Variants in MORF4L1 observed in about 807,000 individuals in gnomAD.
MORF4L1 encodes mortality factor 4-like protein 1.
In MORF4L1, 4 loss-of-function variants were observed where a neutral mutation model predicts 52.9. The ratio of observed to expected loss-of-function variants is 0.08; its 90% CI spans 0.04 to 0.17. The LOEUF (loss-of-function observed/expected upper bound fraction) is 0.17. Ranked by LOEUF, MORF4L1 falls within the 10% of genes least tolerant of loss-of-function variation. The pLI is 1.00. For synonymous variants in MORF4L1, 123 were observed against 134.8 expected (o/e 0.91, Z 0.61); for missense variants, 214 against 390.4 (o/e 0.55, Z 3.81).
intron 8 of MORF4L1, 99 bp from the exon 9 acceptor site, chr15:78,893,440 A>G: frequency 1.3e-6 from 1 of 771,212 alleles, no homozygotes; most frequent in South Asian, 1.5e-5. Context: ...AATTTGAAAT[A>G]CTGTTACTGT....
At chr15:78,893,913 C>T (rs1425415917) in intron 9 of MORF4L1, 145 bp from the exon 10 acceptor site, 1 of 751,948 alleles carries the variant, frequency 1.3e-6, no homozygotes. Context: ...GTTTGTCAAA[C>T]CCTGCTTTCA....
intron 11 of MORF4L1, among the ~76,000 whole-genome samples, chr15:78,896,231 C>A (rs754246103): frequency 2.0e-5 from 3 of 151,994 alleles, no homozygotes; most frequent in Non-Finnish European, 4.4e-5. Flanking sequence ...GTGCCTCGGC[C>A]CCCCAAAGTG....
chr15:78,873,505 G>C (rs1052915674), intron 1 of MORF4L1, among the ~76,000 whole-genome samples: 1 of 152,114 alleles, frequency 6.6e-6, no homozygotes, highest in Non-Finnish European at 1.5e-5. Context: ...GTGCTTCCTG[G>C]AGCCCCGGGG....
At chr15:78,879,220 TCCCCG>T (rs933691711) in intron 2 of MORF4L1, among the ~76,000 whole-genome samples, 6 of 151,864 alleles carry the variant, frequency 4.0e-5, no homozygotes, top group African/African-American at 7.3e-5. Context: ...ATTTTTATGC[TCCCCG>T]CCCCGCCCCG....
chr15:78,883,370 A>G (rs781701436), intron 3 of MORF4L1, among the ~76,000 whole-genome samples: 1 of 152,262 alleles, frequency 6.6e-6, no homozygotes, highest in Non-Finnish European at 1.5e-5. Flanking sequence ...TTTTTCACAT[A>G]TAATAGATAA....
chr15:78,884,373 G>A (rs552325964), intron 3 of MORF4L1, among the ~76,000 whole-genome samples: 1 of 151,922 alleles, frequency 6.6e-6, no homozygotes, highest in African/African-American at 2.4e-5. Flanking sequence ...GTGTAGTGGC[G>A]CGCACCTGTA....
At chr15:78,887,179 GA>G in intron 4 of MORF4L1, 89 bp from the exon 5 acceptor site, 1 of 1,097,894 alleles carries the variant, frequency 9.1e-7, no homozygotes, top group Non-Finnish European at 1.3e-6. Flanking sequence ...GCCAGAATTT[GA>G]ATGTAAATTC....
chr15:78,894,970 G>A, intron 11 of MORF4L1, 66 bp downstream of exon 11: 1 of 1,262,132 alleles, frequency 7.9e-7, no homozygotes, highest in Non-Finnish European at 1.2e-6. Flanking sequence ...GGGATTGGCA[G>A]TATAGATGCT....
At chr15:78,881,612 G>T (rs1398377052) in intron 3 of MORF4L1, among the ~76,000 whole-genome samples, 1 of 152,152 alleles carries the variant, frequency 6.6e-6, no homozygotes, top group Non-Finnish European at 1.5e-5. Flanking sequence ...CTGTTTTTCA[G>T]TGATGGGACT....
intron 7 of MORF4L1, 78 bp downstream of exon 7, chr15:78,891,650 A>T (rs1298440462): frequency 1.2e-5 from 14 of 1,170,900 alleles, no homozygotes; most frequent in Non-Finnish European, 1.6e-5. Flanking sequence ...GGGAGCTTTG[A>T]TTATCTACAA....
At chr15:78,885,687 CTGT>C (rs1271115074) in intron 3 of MORF4L1, among the ~76,000 whole-genome samples, 2 of 152,138 alleles carry the variant, frequency 1.3e-5, no homozygotes, top group African/African-American at 4.8e-5. Context: ...GAGATAAGTA[CTGT>C]TGTTATCCTC....
At chr15:78,884,227 A>T (rs994826904) in intron 3 of MORF4L1, among the ~76,000 whole-genome samples, 6 of 131,660 alleles carry the variant, frequency 4.6e-5, no homozygotes, top group African/African-American at 1.4e-4. Context: ...AAAAGCTGAA[A>T]TTCTTGCCAG....
At chr15:78,882,692 T>C (rs1325340483) in intron 3 of MORF4L1, among the ~76,000 whole-genome samples, 1 of 152,114 alleles carries the variant, frequency 6.6e-6, no homozygotes, top group Non-Finnish European at 1.5e-5. Flanking sequence ...ATGCATACTA[T>C]GAGTGGGAAA....
intron 5 of MORF4L1, among the ~76,000 whole-genome samples, chr15:78,888,986 G>A (rs1002966300): frequency 6.6e-6 from 1 of 152,084 alleles, no homozygotes; most frequent in Non-Finnish European, 1.5e-5. Flanking sequence ...ATATAGAAAA[G>A]ATTTTTATCA....
chr15:78,873,221 G>A (rs1384893512), intron 1 of MORF4L1, 164 bp downstream of exon 1: 6 of 1,513,230 alleles, frequency 4.0e-6, no homozygotes, highest in East Asian at 2.5e-5. Flanking sequence ...CAATTCCGGT[G>A]CGTCATTGTG....
chr15:78,884,639 CAA>C lies in MORF4L1; in HGVS notation c.156-1483_156-1482del, dbSNP rs71148577. On this transcript the variant is annotated intron_variant, in intron 3 of 11. Transcript: ENST00000426013. Reference sequence around the variant, plus strand: ...GGGCAACGAGAGCGCAACTCTGTCTCAAAAAAAAAAAAAAAAAAAATACACAC... The same window carrying C: ...GGGCAACGAGAGCGCAACTCTGTCTCAAAAAAAAAAAAAAAAAATACACAC... Among the ~76,000 whole-genome samples the C allele has an allele frequency of 3.4e-3, 308 of 89,504 alleles. 1 individual carries two copies. Among genetic ancestry groups the C allele is most frequent in the South Asian group, 0.017 (43 of 2,580 alleles). 58.7% of individuals were successfully genotyped at this position (89,504 alleles called of 152,430 possible). A position where few individuals can be genotyped will look rare whatever the true frequency, so the allele number is the denominator to read the frequency against.
intron 3 of MORF4L1, among the ~76,000 whole-genome samples, chr15:78,884,525 A>G (rs561400147): frequency 2.7e-5 from 4 of 150,280 alleles, no homozygotes; most frequent in East Asian, 2.0e-4. Flanking sequence ...TGTAATCCCA[A>G]TTACTCAGGA....
At chr15:78,884,660 TAC>T (rs67970418) in intron 3 of MORF4L1, among the ~76,000 whole-genome samples, 67 of 130,712 alleles carry the variant, frequency 5.1e-4, no homozygotes, top group African/African-American at 1.8e-3. Flanking sequence ...AAAAAAAAAA[TAC>T]ACACACACAC....
In MORF4L1 at chr15:78,886,165, C is replaced by T; in HGVS notation, c.180C>T (p.Ser60=). The change falls in exon 4 of 12, where the codon AGC becomes AGT. Residue 60 remains serine (S), a synonymous_variant. Coordinates refer to ENST00000426013, the MANE Select transcript of MORF4L1 (RefSeq NM_006791.4). Reference sequence around the variant, plus strand: ...GTTGGGATGAATGGGTTCCGGAGAGCAGAGTACTCAAATACGTGGACACCA... The same window carrying T: ...GTTGGGATGAATGGGTTCCGGAGAGTAGAGTACTCAAATACGTGGACACCA... ...NKNWDEWVPE[S]RVLKYVDTNL... is the part of the protein sequence containing the mutation. The T allele has an allele frequency of 6.2e-7, 1 of 1,613,866 alleles. No homozygotes were observed. The highest frequency in any genetic ancestry group is 8.5e-7 in the Non-Finnish European group (1 of 1,179,822).
Sources: gnomAD v4.1 joint callset for allele counts (sites outside exome capture counted in the v4.1 genomes callset) on GRCh38, gnomAD v4.1.1 for gene constraint, MANE v1.5 for transcripts, NCBI Gene and HGNC (gene_info 2026-07-23, HGNC 2026-07-21) for gene names.